RAB5IF: variants seen among roughly 807,000 people sequenced by gnomAD.
The protein encoded by RAB5IF is GEL complex subunit OPTI.
RAB5IF carries 15 observed loss-of-function variants against 20.3 expected under a neutral mutation model. That is an observed-to-expected ratio of 0.74 (90% CI 0.50 to 1.14). RAB5IF has a LOEUF of 1.14. Ranked by LOEUF, RAB5IF falls within the 50% of genes most tolerant of loss-of-function variation. The probability of loss-of-function intolerance (pLI) is 0.00; values close to 1 mark genes in which losing one functional copy is unlikely to be tolerated. For synonymous variants in RAB5IF, 67 were observed against 63.7 expected (o/e 1.05, Z -0.25); for missense variants, 148 against 159.5 (o/e 0.93, Z 0.39).
intron 2 of RAB5IF, among the ~76,000 whole-genome samples, chr20:36,609,243 A>C (rs968507492): frequency 5.3e-5 from 7 of 132,432 alleles, no homozygotes; most frequent in East Asian, 2.1e-4. Context: ...ACACACACAC[A>C]CACACACACA....
intron 2 of RAB5IF, chr20:36,608,031 A>T: frequency 7.4e-7 from 1 of 1,352,770 alleles, no homozygotes. Flanking sequence ...GCCTTCCTGA[A>T]GGCTGGGCCA....
chr20:36,609,532 A>C (rs2039058417), intron 2 of RAB5IF, 69 bp from the exon 3 acceptor site: 1 of 1,515,878 alleles, frequency 6.6e-7, no homozygotes, highest in Non-Finnish European at 8.8e-7. Context: ...GAGCCACCAC[A>C]CCCGGCCCCG....
chr20:36,609,203 G>C lies in RAB5IF; in HGVS notation c.219-398G>C, dbSNP rs1291176. ...CACACACACACACACACGCACACAC[G>C]CACACACGCACACACGCACACACAC... On this transcript the variant is annotated intron_variant, in intron 2 of 3. Coordinates refer to ENST00000344795, the MANE Select transcript of RAB5IF (RefSeq NM_018840.5). Among the ~76,000 whole-genome samples, 8 of 34,608 alleles carry C rather than the reference G, an allele frequency of 2.3e-4. 2 individuals carry two copies. The highest frequency in any genetic ancestry group is 5.0e-4 in the African/African-American group (4 of 8,002). The allele number at this position is 34,608 out of a possible 152,430, so 22.7% of individuals were successfully genotyped here.
At chr20:36,608,754 G>A (rs1422244208) in intron 2 of RAB5IF, among the ~76,000 whole-genome samples, 1 of 151,514 alleles carries the variant, frequency 6.6e-6, no homozygotes, top group Non-Finnish European at 1.5e-5. Flanking sequence ...TAGTAGCGAC[G>A]GGGTTTCGCC....
At position 36,607,655 on chromosome 20, in the gene RAB5IF, C is replaced by G. The variant is rs927582539; in HGVS notation, c.115-60C>G. The stretch of plus-strand genomic sequence containing the variant: ...TAGCAGAAAGGTTTAATATTCTCCC[C>G]TTTTGCTGTCTTGTGGCACCCACTC... On this transcript the variant is annotated intron_variant, in intron 1 of 3. Transcript: ENST00000344795. 23 of 1,597,370 alleles carry G rather than the reference C, an allele frequency of 1.4e-5. No homozygotes were observed. In the East Asian group the frequency reaches 2.0e-4, roughly 14 times the overall value.
chr20:36,612,236 A>C lies in RAB5IF; in HGVS notation c.*185A>C. ...GGTTGTGACCTGAAACTTTTTAAAA[A>C]CCACCCACCTTTGGGGAAGCATTTC... On this transcript the variant is annotated 3_prime_UTR_variant, in exon 4 of 4. Transcript: ENST00000344795. 6.2e-7 allele frequency: 1 copy of C among 1,611,714 alleles called. No homozygotes were observed. The highest frequency in any genetic ancestry group is 8.5e-7 in the Non-Finnish European group (1 of 1,177,906).
Position 36,609,211 on chromosome 20 carries a change from G to GCACA in RAB5IF, c.219-386_219-383dup, listed in dbSNP as rs1269110587. 2.3e-3 allele frequency among the ~76,000 whole-genome samples: 86 copies of GCACA among 36,622 alleles called. 3 individuals are homozygous for GCACA. The highest frequency in any genetic ancestry group is 3.1e-3 in the Non-Finnish European group (60 of 19,528). 24.0% of individuals were successfully genotyped at this position (36,622 alleles called of 152,430 possible). A position where few individuals can be genotyped will look rare whatever the true frequency, so the allele number is the denominator to read the frequency against. Reference sequence around the variant, plus strand: ...CACACACACGCACACACGCACACACGCACACACGCACACACACACACACAC... The same window carrying GCACA: ...CACACACACGCACACACGCACACACGCACACACACACGCACACACACACACACAC... On this transcript the variant is annotated intron_variant, in intron 2 of 3. Coordinates refer to ENST00000344795, the MANE Select transcript of RAB5IF (RefSeq NM_018840.5).
At position 36,612,370 on chromosome 20, in the gene RAB5IF, A is replaced by T. The variant is rs1424888978; in HGVS notation, c.*319A>T. On this transcript the variant is annotated 3_prime_UTR_variant, in exon 4 of 4. Coordinates refer to ENST00000344795, the MANE Select transcript of RAB5IF (RefSeq NM_018840.5). Reference sequence around the variant, plus strand: ...TGATGCACCTCTGGATTCAGATGAAACATTAAATTGTCTTCCTCGATTCTC... The same window carrying T: ...TGATGCACCTCTGGATTCAGATGAATCATTAAATTGTCTTCCTCGATTCTC... 1.4e-6 allele frequency: 1 copy of T among 734,188 alleles called. No homozygotes were observed. Among genetic ancestry groups the T allele is most frequent in the Non-Finnish European group, 2.3e-6 (1 of 431,272 alleles). 45.5% of individuals were successfully genotyped at this position (734,188 alleles called of 1,614,324 possible).
At chr20:36,609,912 G>C in intron 3 of RAB5IF, 182 bp downstream of exon 3, 1 of 957,446 alleles carries the variant, frequency 1.0e-6, no homozygotes, top group Non-Finnish European at 1.6e-6. Flanking sequence ...CTGATATACT[G>C]TACAGTCCCC....
Position 36,609,244 on chromosome 20 carries a change from CACACACACACACTA to C in RAB5IF, c.219-356_219-343del, listed in dbSNP as rs1568595731. Reference sequence around the variant, plus strand: ...GCACACACACACACACACACACACACACACACACACACTATATATAGAGTTTCGCTGTTGCCCAG... The same window carrying C: ...GCACACACACACACACACACACACACTATATAGAGTTTCGCTGTTGCCCAG... On this transcript the variant is annotated intron_variant, in intron 2 of 3. Coordinates refer to ENST00000344795, the MANE Select transcript of RAB5IF (RefSeq NM_018840.5). 1.8e-4 allele frequency among the ~76,000 whole-genome samples: 24 copies of C among 134,092 alleles called. 2 individuals carry two copies. Among genetic ancestry groups the C allele is most frequent in the African/African-American group, 6.1e-4 (19 of 31,046 alleles). 88.0% of individuals were successfully genotyped at this position (134,092 alleles called of 152,430 possible).
In RAB5IF at chr20:36,607,813, A is replaced by C. The variant is rs771105564; in HGVS notation, c.213A>C (p.Ile71=). ...TGCCATTACGAGGGTTCTTGGGAAT[A>C]GCAGGGTAAGTCTTGGGTATCTTAT... ...GVLPLRGFLG[I]AGFCLINAGV... is the part of the protein sequence containing the mutation. Residue 71 remains isoleucine (I), a synonymous_variant, in exon 2 of 4, where the codon ATA becomes ATC. Transcript: ENST00000344795. The C allele has an allele frequency of 2.4e-5, 39 of 1,613,648 alleles. No homozygotes were observed. In the Admixed American group the frequency reaches 6.5e-4, roughly 27 times the overall value.
At chr20:36,609,124 C>G (rs2039007583) in intron 2 of RAB5IF, among the ~76,000 whole-genome samples, 1 of 149,178 alleles carries the variant, frequency 6.7e-6, no homozygotes, top group African/African-American at 2.5e-5. Flanking sequence ...ATCAGCCATT[C>G]TGTTACTTCA....
At chr20:36,609,246 C>T (rs1568595738) in intron 2 of RAB5IF, among the ~76,000 whole-genome samples, 227 of 134,418 alleles carry the variant, frequency 1.7e-3, no homozygotes, top group African/African-American at 6.9e-3. Flanking sequence ...CACACACACA[C>T]ACACACACAC....
chr20:36,609,316 GCAACCTCTCCGC>G (rs2039051160), intron 2 of RAB5IF, among the ~76,000 whole-genome samples: 1 of 150,498 alleles, frequency 6.6e-6, no homozygotes, highest in African/African-American at 2.4e-5. Context: ...TCGGCTCACT[GCAACCTCTCCGC>G]CTCTGGGTTC....
chr20:36,609,256 C>CACACACTA (rs1555790839), intron 2 of RAB5IF, among the ~76,000 whole-genome samples: 36 of 121,644 alleles, frequency 3.0e-4, no homozygotes, highest in South Asian at 1.6e-3. Context: ...CACACACACA[C>CACACACTA]TATATATAGA....
rs1166200171 is a variant in RAB5IF, at chr20:36,612,273, A to G, written c.*222A>G. The G allele has an allele frequency of 1.9e-6, 3 of 1,549,312 alleles. No individual in the cohort carries two copies. The highest frequency in any genetic ancestry group is 1.7e-5 in the Admixed American group (1 of 59,572). On this transcript the variant is annotated 3_prime_UTR_variant, in exon 4 of 4. Transcript: ENST00000344795. ...TGGGGAAGCATTTCTGAATTTATCC[A>G]TCACCAACCATTTCTTCTTGGATAC...
chr20:36,609,686 G>A lies in RAB5IF; in HGVS notation c.304G>A (p.Glu102Lys), dbSNP rs2039062925. 4 of 1,614,090 alleles carry A rather than the reference G, an allele frequency of 2.5e-6. No homozygotes were observed. Among genetic ancestry groups the A allele is most frequent in the African/African-American group, 1.3e-5 (1 of 74,948 alleles). The change falls in exon 3 of 4, where the codon GAG becomes AAG. Residue 102 changes from glutamate to lysine, a missense_variant. Coordinates refer to ENST00000344795, the MANE Select transcript of RAB5IF (RefSeq NM_018840.5). ...IDEEEYGGTW[E>K]LTKEGFMTSF... is the part of the protein sequence containing the mutation. The stretch of plus-strand genomic sequence containing the variant: ...TGAGGAAGAATATGGTGGCACGTGG[G>A]AGCTCACGAAGGAAGGGTTTATGAC...
chr20:36,607,774 C>A lies in RAB5IF; in HGVS notation c.174C>A (p.Val58=). Reference sequence around the variant, plus strand: ...AGATCATTGCTGTGGTCCTGGGTGTCATTTGGGGAGTTTTGCCATTACGAG... The same window carrying A: ...AGATCATTGCTGTGGTCCTGGGTGTAATTTGGGGAGTTTTGCCATTACGAG... ...FRQIIAVVLG[V]IWGVLPLRGF... Residue 58 remains valine, a synonymous_variant, in exon 2 of 4, where the codon GTC becomes GTA. Transcript: ENST00000344795. 1 of 1,613,986 alleles carries A rather than the reference C, an allele frequency of 6.2e-7. No individual in the cohort carries two copies. Among genetic ancestry groups the A allele is most frequent in the South Asian group, 1.1e-5 (1 of 91,076 alleles).
At chr20:36,611,182 G>T (rs1024054020) in intron 3 of RAB5IF, among the ~76,000 whole-genome samples, 1 of 152,036 alleles carries the variant, frequency 6.6e-6, no homozygotes, top group Admixed American at 6.6e-5. Context: ...TAGAAATGGG[G>T]TTTCATCATG....
Sources: gnomAD v4.1 joint callset for allele counts (sites outside exome capture counted in the v4.1 genomes callset) on GRCh38, gnomAD v4.1.1 for gene constraint, MANE v1.5 for transcripts, NCBI Gene and HGNC (gene_info 2026-07-23, HGNC 2026-07-21) for gene names.